The following C8A variants were observed in gnomAD, a reference collection of about 807,000 sequenced individuals.
C8A encodes complement component C8 alpha chain.
Under a neutral mutation model 65.3 loss-of-function variants are expected in C8A, and 67 were observed. The ratio of observed to expected loss-of-function variants is 1.03; its 90% CI spans 0.84 to 1.26. The LOEUF is 1.26. Among genes scored for constraint, C8A ranks in the 50% most tolerant of loss-of-function variants. The probability of loss-of-function intolerance (pLI) is 0.00; values close to 1 mark genes in which losing one functional copy is unlikely to be tolerated. For missense variants in C8A, 781 were observed against 723.9 expected, an observed-to-expected ratio of 1.08 and a Z score of -0.90; for synonymous variants, 290 against 259.4, an observed-to-expected ratio of 1.12 and a Z score of -1.13.
intron 6 of C8A, among the ~76,000 whole-genome samples, chr1:56,885,424 T>TTAAA (rs1553175636): frequency 3.3e-5 from 3 of 90,056 alleles, no homozygotes; most frequent in East Asian, 3.5e-4. Flanking sequence ...AAATATATAT[T>TTAAA]TAAATATATA....
chr1:56,858,001 C>A (rs1212798894), intron 1 of C8A, among the ~76,000 whole-genome samples: 1 of 151,998 alleles, frequency 6.6e-6, no homozygotes, highest in Admixed American at 6.6e-5. Context: ...TTTTGTTCTG[C>A]AATGTTTAAT....
At position 56,865,039 on chromosome 1, in the gene C8A, TAAG is replaced by T. The variant is rs1644071185; in HGVS notation, c.78-2567_78-2565del. 2.0e-5 allele frequency among the ~76,000 whole-genome samples: 3 copies of T among 152,136 alleles called. No individual in the cohort carries two copies. In the South Asian group the frequency reaches 6.2e-4, roughly 32 times the overall value. The stretch of plus-strand genomic sequence containing the variant: ...AAACTCCTAAGTTTTAAGTTTTACT[TAAG>T]AAAGTCCTTCTAGAAACAGTAAGAA... On this transcript the variant is annotated intron_variant, in intron 1 of 10. Transcript: ENST00000361249.
At chr1:56,865,012 C>T (rs979857506) in intron 1 of C8A, among the ~76,000 whole-genome samples, 3 of 151,966 alleles carry the variant, frequency 2.0e-5, no homozygotes, top group African/African-American at 4.8e-5. Context: ...AACAAACAAA[C>T]AAAACTCCTA....
chr1:56,887,278 C>T (rs1297777613), intron 7 of C8A, among the ~76,000 whole-genome samples: 1 of 152,146 alleles, frequency 6.6e-6, no homozygotes, highest in Non-Finnish European at 1.5e-5. Flanking sequence ...GGAATTGACA[C>T]ACTATTTTCC....
At chr1:56,867,781 C>A in intron 2 of C8A, 79 bp downstream of exon 2, 1 of 1,060,498 alleles carries the variant, frequency 9.4e-7, no homozygotes, top group Non-Finnish European at 1.5e-6. Flanking sequence ...TTAAGCAGTC[C>A]ACTATGTCTA....
At chr1:56,897,692 T>C (rs1644396587) in intron 7 of C8A, among the ~76,000 whole-genome samples, 1 of 152,228 alleles carries the variant, frequency 6.6e-6, no homozygotes, top group Admixed American at 6.5e-5. Flanking sequence ...GTTGTTTGAT[T>C]ATAACTCCCT....
rs1644182710 is a variant in C8A at position 56,874,887 on chromosome 1, C to A, written c.172-62C>A. On this transcript the variant is annotated intron_variant, in intron 2 of 10. Transcript: ENST00000361249. ...TATGTTGAGCCGAAACCAGGCTGCA[C>A]AAGTCTTGGTTGATTGATTGATTGG... 3 of 1,591,262 alleles carry A rather than the reference C, an allele frequency of 1.9e-6. No homozygotes were observed. The African/African-American group carries it at 4.0e-5, about 21-fold the overall frequency.
chr1:56,880,653 C>T (rs1644240055), intron 4 of C8A, among the ~76,000 whole-genome samples: 1 of 152,006 alleles, frequency 6.6e-6, no homozygotes, highest in Non-Finnish European at 1.5e-5. Context: ...GAATTGCATC[C>T]AATATTTCAA....
intron 7 of C8A, among the ~76,000 whole-genome samples, chr1:56,904,525 A>G (rs1266722758): frequency 6.6e-6 from 1 of 152,182 alleles, no homozygotes; most frequent in Non-Finnish European, 1.5e-5. Context: ...TGCTTACTAC[A>G]TTTTCCTCTC....
intron 4 of C8A, among the ~76,000 whole-genome samples, chr1:56,880,874 T>C (rs541041818): frequency 1.4e-3 from 220 of 152,262 alleles, no homozygotes; most frequent in Admixed American, 2.9e-3. Context: ...ACAGAGAGGT[T>C]AAATGGTATG....
At chr1:56,890,569 T>C (rs1644336775) in intron 7 of C8A, among the ~76,000 whole-genome samples, 1 of 152,136 alleles carries the variant, frequency 6.6e-6, no homozygotes, top group African/African-American at 2.4e-5. Context: ...GTCTCACTTG[T>C]CCAAGCCACC....
intron 1 of C8A, among the ~76,000 whole-genome samples, chr1:56,857,231 T>G (rs1168962622): frequency 6.6e-6 from 1 of 152,048 alleles, no homozygotes; most frequent in Non-Finnish European, 1.5e-5. Context: ...AATCTCCAAC[T>G]GTATTTGTGG....
At chr1:56,888,672 T>C (rs530206773) in intron 7 of C8A, among the ~76,000 whole-genome samples, 2 of 152,228 alleles carry the variant, frequency 1.3e-5, no homozygotes, top group East Asian at 3.9e-4. Flanking sequence ...ATGTAAAAAA[T>C]GTAAAATGTA....
intron 7 of C8A, among the ~76,000 whole-genome samples, chr1:56,898,617 T>C (rs1188870990): frequency 6.6e-6 from 1 of 152,182 alleles, no homozygotes. Flanking sequence ...TCCTCAGTTC[T>C]GGGTTGGAAG....
At chr1:56,881,407 A>C in intron 4 of C8A, 38 bp from the exon 5 acceptor site, 1 of 1,604,746 alleles carries the variant, frequency 6.2e-7, no homozygotes, top group African/African-American at 1.3e-5. Flanking sequence ...AAAACCCAGC[A>C]TCCACTAGCT....
At chr1:56,912,698 G>A in intron 10 of C8A, 73 bp downstream of exon 10, 1 of 1,406,578 alleles carries the variant, frequency 7.1e-7, no homozygotes, top group Non-Finnish European at 1.0e-6. Flanking sequence ...AGGACTTTTG[G>A]GGTTCCCGGC....
intron 2 of C8A, among the ~76,000 whole-genome samples, chr1:56,871,509 T>C (rs1644147229): frequency 1.3e-5 from 2 of 152,238 alleles, no homozygotes. Flanking sequence ...ACATGTGTTA[T>C]GATGAATCTT....
chr1:56,892,233 C>T (rs2101263795), intron 7 of C8A, among the ~76,000 whole-genome samples: 1 of 152,196 alleles, frequency 6.6e-6, no homozygotes, highest in African/African-American at 2.4e-5. Flanking sequence ...TTCCTGAATT[C>T]TTTCTCTATA....
At chr1:56,858,023 C>T (rs1451960224) in intron 1 of C8A, among the ~76,000 whole-genome samples, 1 of 152,006 alleles carries the variant, frequency 6.6e-6, no homozygotes, top group Admixed American at 6.6e-5. Flanking sequence ...TGCTGTTAAG[C>T]CTGTCCAGTG....
Sources: gnomAD v4.1 joint callset for allele counts (sites outside exome capture counted in the v4.1 genomes callset) on GRCh38, gnomAD v4.1.1 for gene constraint, MANE v1.5 for transcripts, NCBI Gene and HGNC (gene_info 2026-07-23, HGNC 2026-07-21) for gene names.